AKAP13: variants seen among roughly 807,000 people sequenced by gnomAD.
The protein encoded by AKAP13 is A-kinase anchor protein 13.
A neutral mutation model predicts 264.5 loss-of-function variants in AKAP13; 80 were observed. The ratio of observed to expected loss-of-function variants is 0.30; its 90% CI spans 0.25 to 0.36. The LOEUF is 0.36. Ranked by LOEUF, AKAP13 falls within the 10% of genes least tolerant of loss-of-function variation. AKAP13 has a pLI of 1.00. For missense variants in AKAP13, 3,712 were observed against 3,435.2 expected (o/e 1.08, Z -2.01); for synonymous variants, 1,380 against 1,250.2 (o/e 1.10, Z -2.19).
In AKAP13 at chr15:85,609,252, C is replaced by T. The variant is rs565046773; in HGVS notation, c.4161+23429C>T. On this transcript the variant is annotated intron_variant, in intron 8 of 36. Coordinates refer to ENST00000394518, the MANE Select transcript of AKAP13 (RefSeq NM_007200.5). Reference sequence around the variant, plus strand: ...TATGACTCTTTACCCATTGACCAACCTCTCCCCATTCTCTTCTCCCCATCC... The same window carrying T: ...TATGACTCTTTACCCATTGACCAACTTCTCCCCATTCTCTTCTCCCCATCC... Among the ~76,000 whole-genome samples, 101 of 152,274 alleles carry T rather than the reference C, an allele frequency of 6.6e-4. 1 individual carries two copies. The South Asian group carries it at 0.017, about 26-fold the overall frequency.
intron 17 of AKAP13, among the ~76,000 whole-genome samples, chr15:85,695,111 A>G (rs1004463112): frequency 6.6e-6 from 1 of 152,132 alleles, no homozygotes; most frequent in Non-Finnish European, 1.5e-5. Flanking sequence ...GAAATGTTTA[A>G]AAGTGTATTT....
intron 1 of AKAP13, among the ~76,000 whole-genome samples, chr15:85,468,932 T>TTTTTGAG (rs1567072793): frequency 8.7e-5 from 12 of 137,680 alleles, no homozygotes; most frequent in African/African-American, 3.5e-4. Flanking sequence ...TTTTTTTTTT[T>TTTTTGAG]AATCAGACTT....
At chr15:85,459,586 G>A (rs918685699) in intron 1 of AKAP13, among the ~76,000 whole-genome samples, 1 of 151,348 alleles carries the variant, frequency 6.6e-6, no homozygotes, top group Non-Finnish European at 1.5e-5. Flanking sequence ...TGCAAGCTCC[G>A]CCTCCCAGGT....
At chr15:85,540,682 C>T (rs988823121) in intron 4 of AKAP13, among the ~76,000 whole-genome samples, 2 of 152,188 alleles carry the variant, frequency 1.3e-5, no homozygotes, top group Non-Finnish European at 2.9e-5. Context: ...AGCTTTCATG[C>T]TCTTAAAACA....
intron 5 of AKAP13, among the ~76,000 whole-genome samples, chr15:85,558,945 C>T (rs766361838): frequency 2.6e-5 from 4 of 151,876 alleles, no homozygotes; most frequent in Non-Finnish European, 4.4e-5. Context: ...CCCCTCCCTC[C>T]TCCTCCTCCC....
At chr15:85,504,303 GC>G (rs2076124070) in intron 2 of AKAP13, among the ~76,000 whole-genome samples, 2 of 151,912 alleles carry the variant, frequency 1.3e-5, no homozygotes. Context: ...AGGGGAAGGA[GC>G]GAGGAATGAG....
At chr15:85,691,212 A>G (rs1244461396) in intron 16 of AKAP13, among the ~76,000 whole-genome samples, 2 of 152,240 alleles carry the variant, frequency 1.3e-5, no homozygotes, top group Non-Finnish European at 2.9e-5. Flanking sequence ...TGGTATTGAC[A>G]ATAGGTAAAA....
At chr15:85,404,695 T>C (rs1470564107) in intron 1 of AKAP13, among the ~76,000 whole-genome samples, 1 of 152,250 alleles carries the variant, frequency 6.6e-6, no homozygotes, top group East Asian at 1.9e-4. Context: ...GTTGTACTTG[T>C]ATATCTCATT....
intron 12 of AKAP13, 93 bp downstream of exon 12, chr15:85,658,683 C>T: frequency 8.7e-7 from 1 of 1,145,384 alleles, no homozygotes. Flanking sequence ...ATTGGATCAT[C>T]TACTTTTAAG....
intron 1 of AKAP13, among the ~76,000 whole-genome samples, chr15:85,393,884 G>C (rs1481239857): frequency 1.3e-5 from 2 of 152,096 alleles, no homozygotes; most frequent in Non-Finnish European, 2.9e-5. Flanking sequence ...GGTGTAAATA[G>C]AAAATCATTG....
chr15:85,620,175 A>C, intron 8 of AKAP13: 2 of 1,535,948 alleles, frequency 1.3e-6, no homozygotes, highest in Non-Finnish European at 1.7e-6. Context: ...TGCTGAAGGT[A>C]AGGGGGGCTG....
chr15:85,580,948 T>G lies in AKAP13; in HGVS notation c.2880T>G (p.Thr960=). ...GAACACCACCTCCTGGACAAGATAC[T>G]CAACAATTTCATGAAAAATCAATCT... is the stretch of plus-strand genomic sequence containing the variant. ...EQRTPPPGQD[T]QQFHEKSISA... Residue 960 remains threonine (T), a synonymous_variant, in exon 7 of 37, where the codon ACT becomes ACG. Coordinates refer to ENST00000394518, the MANE Select transcript of AKAP13 (RefSeq NM_007200.5). 1 of 1,614,076 alleles carries G rather than the reference T, an allele frequency of 6.2e-7. No individual in the cohort carries two copies. Among genetic ancestry groups the G allele is most frequent in the Non-Finnish European group, 8.5e-7 (1 of 1,180,002 alleles).
chr15:85,625,404 C>T (rs2081363888), intron 8 of AKAP13, among the ~76,000 whole-genome samples: 1 of 152,184 alleles, frequency 6.6e-6, no homozygotes, highest in Non-Finnish European at 1.5e-5. Flanking sequence ...AGCCTAGTCT[C>T]AGAACTGACT....
intron 2 of AKAP13, among the ~76,000 whole-genome samples, chr15:85,503,260 C>T (rs563263572): frequency 6.6e-6 from 1 of 152,260 alleles, no homozygotes; most frequent in East Asian, 1.9e-4. Context: ...TTAGAGTTTA[C>T]AATCTAGGAG....
In AKAP13 at chr15:85,380,710, C is replaced by CG. The variant is rs2083376480; in HGVS notation, c.-95dup. 6.5e-6 allele frequency: 1 copy of CG among 152,678 alleles called. No individual in the cohort carries two copies. Among genetic ancestry groups the CG allele is most frequent in the East Asian group, 1.9e-4 (1 of 5,176 alleles). The allele number at this position is 152,678 out of a possible 1,614,324, so 9.5% of individuals were successfully genotyped here. ...CGGTCGCCGCCGCTTTAGCCGCCTC[C>CG]GGGGGAGCGGCCGCCTATTGTCTTT... is the stretch of plus-strand genomic sequence containing the variant. On this transcript the variant is annotated 5_prime_UTR_variant, in exon 1 of 37. Coordinates refer to ENST00000394518, the MANE Select transcript of AKAP13 (RefSeq NM_007200.5).
At chr15:85,677,068 T>C in intron 14 of AKAP13, 1 of 985,444 alleles carries the variant, frequency 1.0e-6, no homozygotes, top group Non-Finnish European at 1.2e-6. Flanking sequence ...TGGCTCTTCT[T>C]ATTCGAGTGA....
rs114703106 is a variant in AKAP13, at chr15:85,580,578, C to T, written c.2510C>T (p.Thr837Met). The T allele has an allele frequency of 7.8e-3, 12,623 of 1,614,158 alleles. 68 individuals are homozygous for T. Among genetic ancestry groups the T allele is most frequent in the South Asian group, 9.3e-3 (848 of 91,084 alleles). ...GPDGNSNEPD[T>M]RPLEDRAVGL... ...GATGGAAATTCGAATGAGCCTGATA[C>T]GCGGCCACTAGAAGACAGGGCAGTA... Residue 837 changes from threonine to methionine, a missense_variant, in exon 7 of 37, where the codon ACG becomes ATG. Thr to Met is a moderately conservative substitution (Grantham distance 81). Transcript: ENST00000394518.
At chr15:85,589,709 T>TG (rs974855504) in intron 8 of AKAP13, among the ~76,000 whole-genome samples, 8 of 76,128 alleles carry the variant, frequency 1.1e-4, no homozygotes, top group South Asian at 3.8e-4. Flanking sequence ...CACTCTGTCT[T>TG]GAAAAAAAAA....
rs925523596 is a variant in AKAP13 at position 85,708,244 on chromosome 15, T to C, written c.5532+158T>C. Among the ~76,000 whole-genome samples, 1 of 152,246 alleles carries C rather than the reference T, an allele frequency of 6.6e-6. No homozygotes were observed. Among genetic ancestry groups the C allele is most frequent in the Non-Finnish European group, 1.5e-5 (1 of 68,042 alleles). On this transcript the variant is annotated intron_variant, in intron 18 of 36. Coordinates refer to ENST00000394518, the MANE Select transcript of AKAP13 (RefSeq NM_007200.5). This position sits in a 1 kb window ranked among gnomAD's most constrained non-coding sequence, Gnocchi z 4.3. ...TTATAACTAAAAAATATTTTTTCTC[T>C]TAAGCGATCAATCTTCTTCTTGAGT...
Sources: allele counts gnomAD v4.1 joint callset (sites outside exome capture counted in the v4.1 genomes callset), GRCh38; gene constraint gnomAD v4.1.1; non-coding constraint Gnocchi (gnomAD v3.1); transcripts MANE v1.5; gene names NCBI Gene and HGNC (gene_info 2026-07-23, HGNC 2026-07-21).